The following CNTN5 variants were observed in gnomAD, a reference collection of about 807,000 sequenced individuals.
CNTN5 encodes the protein contactin-5.
Under a neutral mutation model 129.1 loss-of-function variants are expected in CNTN5, and 77 were observed. That is an observed-to-expected ratio of 0.60 (90% CI 0.50 to 0.72). CNTN5 has a LOEUF of 0.72. Among genes scored for constraint, CNTN5 ranks in the 30% least tolerant of loss-of-function variants. The probability of loss-of-function intolerance (pLI) is 0.00; values close to 1 mark genes in which losing one functional copy is unlikely to be tolerated. For synonymous variants in CNTN5, 509 were observed against 465.6 expected (o/e 1.09, Z -1.20); for missense variants, 1,478 against 1,328.8 (o/e 1.11, Z -1.75).
At chr11:99,398,129 C>T (rs1941621243) in intron 2 of CNTN5, among the ~76,000 whole-genome samples, 1 of 151,866 alleles carries the variant, frequency 6.6e-6, no homozygotes, top group Non-Finnish European at 1.5e-5. Flanking sequence ...ACGCCAGTTA[C>T]ACATGGATTG....
chr11:99,541,956 CAAAAAAAAAAAAAA>C (rs56363127), intron 2 of CNTN5, among the ~76,000 whole-genome samples: 2,805 of 69,036 alleles, frequency 0.041, 188 homozygotes, highest in East Asian at 0.23. Flanking sequence ...GATCTTGTCT[CAAAAAAAAAAAAAA>C]AAAAAAAAAG....
intron 17 of CNTN5, among the ~76,000 whole-genome samples, chr11:100,267,568 A>G (rs990595974): frequency 1.3e-5 from 2 of 152,060 alleles, no homozygotes; most frequent in Admixed American, 1.3e-4. Context: ...AGCTATCCCA[A>G]TATCTAGGGG....
intron 13 of CNTN5, among the ~76,000 whole-genome samples, chr11:100,094,233 G>C (rs1944904216): frequency 6.6e-6 from 1 of 151,996 alleles, no homozygotes; most frequent in African/African-American, 2.4e-5. Context: ...TAACTCTCAG[G>C]TGCTCCCACT....
chr11:99,725,039 G>A (rs1273751164), intron 3 of CNTN5, among the ~76,000 whole-genome samples: 1 of 152,176 alleles, frequency 6.6e-6, no homozygotes, highest in Non-Finnish European at 1.5e-5. Flanking sequence ...TAAACTGTAA[G>A]TCTATTGTGA....
chr11:99,579,824 C>A (rs1949507156), intron 3 of CNTN5, among the ~76,000 whole-genome samples: 1 of 150,930 alleles, frequency 6.6e-6, no homozygotes, highest in Non-Finnish European at 1.5e-5. Context: ...CCCTTTATTC[C>A]CTTCTCCTGC....
intron 22 of CNTN5, 37 bp downstream of exon 22, chr11:100,340,686 G>A (rs1952138876): frequency 6.5e-7 from 1 of 1,535,018 alleles, no homozygotes; most frequent in Non-Finnish European, 8.8e-7. Context: ...TTCAGACAAA[G>A]GGGAAACATC....
rs374324030 is a variant in CNTN5 at position 99,755,244 on chromosome 11, G to A, written c.56-64300G>A. ...TTAGCTCATTTAGGTAAATACCAAGGAGTGCAATTGTTGAATTGTATGGTA... is the reference window on the plus strand; with the variant it reads ...TTAGCTCATTTAGGTAAATACCAAGAAGTGCAATTGTTGAATTGTATGGTA... On this transcript the variant is annotated intron_variant, in intron 3 of 24. Transcript: ENST00000524871. Among the ~76,000 whole-genome samples the A allele has an allele frequency of 1.2e-3, 186 of 152,216 alleles. 1 individual carries two copies. The highest frequency in any genetic ancestry group is 4.2e-3 in the African/African-American group (175 of 41,534).
At chr11:99,594,270 G>T (rs1456968573) in intron 3 of CNTN5, among the ~76,000 whole-genome samples, 3 of 152,160 alleles carry the variant, frequency 2.0e-5, no homozygotes, top group South Asian at 2.1e-4. Context: ...AAACACTTTT[G>T]CTGAGTGGAG....
intron 3 of CNTN5, among the ~76,000 whole-genome samples, chr11:99,775,355 G>T (rs188099184): frequency 0.064 from 7,691 of 120,546 alleles, 282 homozygotes; most frequent in Middle Eastern, 0.12. Flanking sequence ...AGATTTCCTG[G>T]GGATAAATGG....
At chr11:100,024,456 C>A (rs2137579549) in intron 9 of CNTN5, among the ~76,000 whole-genome samples, 2 of 151,944 alleles carry the variant, frequency 1.3e-5, no homozygotes, top group African/African-American at 4.8e-5. Context: ...TATAATGATA[C>A]CCAAAAATGT....
At chr11:99,182,182 T>C (rs889259048) in intron 1 of CNTN5, among the ~76,000 whole-genome samples, 2 of 152,212 alleles carry the variant, frequency 1.3e-5, no homozygotes, top group African/African-American at 4.8e-5. Context: ...AGTGTGAGGA[T>C]ATTGCTTTTT....
chr11:99,434,326 T>G (rs1943517579), intron 2 of CNTN5, among the ~76,000 whole-genome samples: 2 of 152,178 alleles, frequency 1.3e-5, no homozygotes, highest in South Asian at 4.1e-4. Flanking sequence ...TCTAAAATGA[T>G]GTATGAAAAT....
At chr11:99,739,370 A>G (rs568971267) in intron 3 of CNTN5, among the ~76,000 whole-genome samples, 14 of 152,278 alleles carry the variant, frequency 9.2e-5, no homozygotes, top group Admixed American at 8.5e-4. Context: ...ACTTTAAAGA[A>G]GTACATAGTA....
chr11:99,338,082 T>G (rs1358199839), intron 2 of CNTN5, among the ~76,000 whole-genome samples: 1 of 152,224 alleles, frequency 6.6e-6, no homozygotes, highest in African/African-American at 2.4e-5. Flanking sequence ...ATATGTCTTT[T>G]GGAAGTGGTT....
chr11:99,418,289 A>C (rs1272018544), intron 2 of CNTN5, among the ~76,000 whole-genome samples: 1 of 152,184 alleles, frequency 6.6e-6, no homozygotes, highest in Non-Finnish European at 1.5e-5. Context: ...CTTTAAAAAA[A>C]AGGTATGAGT....
chr11:99,956,999 G>A lies in CNTN5; in HGVS notation c.867G>A (p.Leu289=). Residue 289 remains leucine, a synonymous_variant, in exon 8 of 25, where the codon CTG becomes CTA. Coordinates refer to ENST00000524871, the MANE Select transcript of CNTN5 (RefSeq NM_014361.4). ...RVLSPPTPLT[L]RNDGVMGEYE... The stretch of plus-strand genomic sequence containing the variant: ...TTAGTCCTCCAACGCCACTCACTCT[G>A]CGTAATGATGGTAAGTTGCTTGGCC... 1 of 1,613,434 alleles carries A rather than the reference G, an allele frequency of 6.2e-7. No individual in the cohort carries two copies. The highest frequency in any genetic ancestry group is 8.5e-7 in the Non-Finnish European group (1 of 1,179,636).
intron 1 of CNTN5, among the ~76,000 whole-genome samples, chr11:99,257,510 C>T (rs75065005): frequency 0.017 from 2,651 of 151,936 alleles, 35 homozygotes; most frequent in Middle Eastern, 0.031. Flanking sequence ...GTGATTGTTG[C>T]AGCCAATTTA....
At chr11:99,632,284 A>G (rs1418669062) in intron 3 of CNTN5, among the ~76,000 whole-genome samples, 1 of 152,180 alleles carries the variant, frequency 6.6e-6, no homozygotes, top group African/African-American at 2.4e-5. Context: ...AAATGTTCAT[A>G]GTAATTATCA....
intron 1 of CNTN5, among the ~76,000 whole-genome samples, chr11:99,034,289 G>C (rs1475280390): frequency 6.6e-6 from 1 of 152,124 alleles, no homozygotes; most frequent in East Asian, 1.9e-4. Context: ...CTCATACAAT[G>C]AGTTAGGGAG....
Sources: gnomAD v4.1 joint callset for allele counts (sites outside exome capture counted in the v4.1 genomes callset) on GRCh38, gnomAD v4.1.1 for gene constraint, MANE v1.5 for transcripts, NCBI Gene and HGNC (gene_info 2026-07-23, HGNC 2026-07-21) for gene names.